The following RBL1 variants were observed in gnomAD, a reference collection of about 807,000 sequenced individuals.
The protein encoded by RBL1 is retinoblastoma-like protein 1.
RBL1 carries 82 observed loss-of-function variants against 123.0 expected under a neutral mutation model. The observed-to-expected ratio is 0.67, with a 90% CI of 0.56 to 0.80. RBL1 has a LOEUF of 0.80. Among genes scored for constraint, RBL1 ranks in the 30% least tolerant of loss-of-function variants. The pLI is 0.00. For missense variants in RBL1, 1,171 were observed against 1,299.6 expected (o/e 0.90, Z 1.52); for synonymous variants, 405 against 441.3 (o/e 0.92, Z 1.03).
At chr20:37,015,390 T>C (rs986442752) in intron 19 of RBL1, among the ~76,000 whole-genome samples, 1 of 151,760 alleles carries the variant, frequency 6.6e-6, no homozygotes, top group South Asian at 2.1e-4. Context: ...CCTGGATAGG[T>C]AAGCAACATG....
chr20:37,057,004 T>TATAC, intron 9 of RBL1, among the ~76,000 whole-genome samples: 1 of 147,620 alleles, frequency 6.8e-6, no homozygotes, highest in East Asian at 2.1e-4. Context: ...TATCTATCTA[T>TATAC]CTACCTACCT....
At chr20:37,036,508 C>T (rs6103354) in intron 14 of RBL1, among the ~76,000 whole-genome samples, 44,433 of 151,884 alleles carry the variant, frequency 0.29, 7,880 homozygotes, top group African/African-American at 0.49. Flanking sequence ...GAACTCCTGA[C>T]CTCAGGTGAT....
Position 37,033,614 on chromosome 20 carries a change from C to CA in RBL1, c.2171-739_2171-738insT, listed in dbSNP as rs1568841800. On this transcript the variant is annotated intron_variant, in intron 15 of 21. Coordinates refer to ENST00000373664, the MANE Select transcript of RBL1 (RefSeq NM_002895.5). ...ACAGGCATGAGCCACTGCAGCTGGACTTTTTTTTTTTTTTTTTGAGACAGT... is the reference window on the plus strand; with the variant it reads ...ACAGGCATGAGCCACTGCAGCTGGACATTTTTTTTTTTTTTTTTGAGACAGT... 5.3e-4 allele frequency among the ~76,000 whole-genome samples: 67 copies of CA among 125,788 alleles called. No homozygotes were observed. The East Asian group carries it at 0.016, about 29-fold the overall frequency. 82.5% of individuals were successfully genotyped at this position (125,788 alleles called of 152,430 possible). A position where few individuals can be genotyped will look rare whatever the true frequency, so the allele number is the denominator to read the frequency against.
At chr20:37,040,671 C>CT (rs1015585245) in intron 13 of RBL1, among the ~76,000 whole-genome samples, 5 of 152,038 alleles carry the variant, frequency 3.3e-5, no homozygotes, top group African/African-American at 4.8e-5. Flanking sequence ...GTTTTCTTAA[C>CT]TTTTTTTTAC....
chr20:37,067,798 C>T (rs958218993), intron 3 of RBL1, among the ~76,000 whole-genome samples, 188 bp downstream of exon 3: 7 of 122,152 alleles, frequency 5.7e-5, no homozygotes, highest in Admixed American at 1.6e-4. Context: ...AAAACAACAA[C>T]AGAAAGAAAA....
Position 37,035,250 on chromosome 20 carries a change from G to A in RBL1, c.2162C>T (p.Pro721Leu), listed in dbSNP as rs746835683. 1.9e-6 allele frequency: 3 copies of A among 1,611,956 alleles called. No homozygotes were observed. Among genetic ancestry groups the A allele is most frequent in the African/African-American group, 1.3e-5 (1 of 74,974 alleles). ...TGTTGHKVTI[P>L]LHGVANDAGE... ...ATGCACTATAACGTTACCATGTAAT[G>A]GAATTGTAACTTTATGTCCTGTTGT... Residue 721 changes from proline to leucine, a missense_variant, in exon 15 of 22, where the codon CCA (proline) becomes CTA (leucine). By Grantham distance (98) the Pro-to-Leu change is moderately conservative. Coordinates refer to ENST00000373664, the MANE Select transcript of RBL1 (RefSeq NM_002895.5).
intron 11 of RBL1, among the ~76,000 whole-genome samples, chr20:37,054,216 G>C (rs1396983053): frequency 6.6e-6 from 1 of 152,154 alleles, no homozygotes; most frequent in Non-Finnish European, 1.5e-5. Context: ...CAGGTGCAGT[G>C]GCTCACACCT....
At chr20:37,034,365 G>GA (rs1031523571) in intron 15 of RBL1, among the ~76,000 whole-genome samples, 8 of 151,236 alleles carry the variant, frequency 5.3e-5, no homozygotes, top group Admixed American at 2.0e-4. Flanking sequence ...AAATTTATTG[G>GA]AAAAAAAAGC....
chr20:37,083,036 G>A (rs2065476930), intron 2 of RBL1, among the ~76,000 whole-genome samples: 1 of 152,038 alleles, frequency 6.6e-6, no homozygotes, highest in Non-Finnish European at 1.5e-5. Flanking sequence ...TTATATTTAA[G>A]TTGAAATTTT....
Position 37,067,079 on chromosome 20 carries a change from T to C in RBL1, c.599A>G (p.His200Arg). The part of the protein sequence containing the change: ...MIGDDLVNSY[H>R]LLLCCLDLIF... Reference sequence around the variant, plus strand: ...CAGATCCAAGCAGCATAGAAGTAAATGATAAGAGTTTACTAAGTCATCCCC... The same window carrying C: ...CAGATCCAAGCAGCATAGAAGTAAACGATAAGAGTTTACTAAGTCATCCCC... The change falls in exon 5 of 22, where the codon CAT (histidine) becomes CGT (arginine). Residue 200 changes from histidine to arginine, a missense_variant. Coordinates refer to ENST00000373664, the MANE Select transcript of RBL1 (RefSeq NM_002895.5). The C allele has an allele frequency of 6.2e-7, 1 of 1,604,726 alleles. No homozygotes were observed. The highest frequency in any genetic ancestry group is 8.5e-7 in the Non-Finnish European group (1 of 1,177,268).
chr20:37,027,022 AC>A (rs1318604615), intron 16 of RBL1, among the ~76,000 whole-genome samples: 21 of 150,752 alleles, frequency 1.4e-4, no homozygotes, highest in African/African-American at 4.6e-4. Flanking sequence ...ACAAAAAAAA[AC>A]AACAAAAAAA....
At chr20:37,035,901 C>T (rs1028297800) in intron 14 of RBL1, among the ~76,000 whole-genome samples, 1 of 152,162 alleles carries the variant, frequency 6.6e-6, no homozygotes, top group Admixed American at 6.6e-5. Context: ...GAATTTGGGT[C>T]ACAGTTTTGC....
At chr20:37,093,645 A>ATTT (rs56745650) in intron 1 of RBL1, among the ~76,000 whole-genome samples, 3 of 136,322 alleles carry the variant, frequency 2.2e-5, no homozygotes, top group South Asian at 2.4e-4. Context: ...GTTTCTTTCC[A>ATTT]TTTTTTTTTT....
intron 15 of RBL1, among the ~76,000 whole-genome samples, chr20:37,034,974 T>C (rs1404807460): frequency 6.6e-6 from 1 of 152,106 alleles, no homozygotes; most frequent in African/African-American, 2.4e-5. Flanking sequence ...CTGTAACAAA[T>C]GTAGCATTCT....
intron 11 of RBL1, among the ~76,000 whole-genome samples, chr20:37,052,112 A>AACCT (rs919831738): frequency 5.3e-5 from 8 of 152,008 alleles, no homozygotes; most frequent in Admixed American, 5.2e-4. Context: ...GGCTCACAAC[A>AACCT]ACCTCCACCT....
intron 2 of RBL1, among the ~76,000 whole-genome samples, chr20:37,068,906 C>T (rs1185889657): frequency 6.6e-6 from 1 of 152,268 alleles, no homozygotes; most frequent in East Asian, 1.9e-4. Flanking sequence ...TGAGCCGAAG[C>T]TGGACTGTAC....
At chr20:37,062,033 C>G in intron 8 of RBL1, 51 bp downstream of exon 8, 1 of 1,520,776 alleles carries the variant, frequency 6.6e-7, no homozygotes, top group Non-Finnish European at 8.9e-7. Context: ...TAGAATCACA[C>G]ACAGAGAGAA....
At chr20:37,081,771 G>A (rs1307853957) in intron 2 of RBL1, 2 of 325,238 alleles carry the variant, frequency 6.1e-6, no homozygotes, top group Admixed American at 8.3e-5. Context: ...GTCTATGATT[G>A]TGTCCTTAGA....
intron 2 of RBL1, among the ~76,000 whole-genome samples, chr20:37,069,566 C>T (rs1378377456): frequency 3.4e-5 from 5 of 145,402 alleles, no homozygotes; most frequent in South Asian, 2.1e-4. Flanking sequence ...TCTGCCCGGC[C>T]GCCCCGTCTG....
Sources: gnomAD v4.1 joint callset for allele counts (sites outside exome capture counted in the v4.1 genomes callset) on GRCh38, gnomAD v4.1.1 for gene constraint, MANE v1.5 for transcripts, NCBI Gene and HGNC (gene_info 2026-07-23, HGNC 2026-07-21) for gene names.